TUSC3: variants seen among roughly 807,000 people sequenced by gnomAD.
TUSC3 encodes dolichyl-diphosphooligosaccharide--protein glycosyltransferase subunit TUSC3.
A neutral mutation model predicts 44.8 loss-of-function variants in TUSC3; 45 were observed. The observed-to-expected ratio is 1.00, with a 90% CI of 0.79 to 1.29. The LOEUF (loss-of-function observed/expected upper bound fraction) is 1.29, where lower values mean the gene tolerates loss of function less well. Among genes scored for constraint, TUSC3 ranks in the 50% most tolerant of loss-of-function variants. TUSC3 has a pLI of 0.00. For missense variants in TUSC3, 519 were observed against 437.9 expected (o/e 1.19, Z -1.65); for synonymous variants, 212 against 152.9 (o/e 1.39, Z -2.85).
At chr8:15,791,213 A>C in the TUSC3 span, among the ~76,000 whole-genome samples, 3 of 152,042 alleles carry the variant, frequency 2.0e-5, no homozygotes, top group Non-Finnish European at 2.9e-5. Context: ...TGATGTAATG[A>C]TGAAAAAGAA....
chr8:15,529,838 C>G (rs568628388), intron 2 of TUSC3, among the ~76,000 whole-genome samples: 2 of 117,968 alleles, frequency 1.7e-5, no homozygotes, highest in East Asian at 2.7e-4. Context: ...TTGCCCAGGC[C>G]GGACTGCGGA....
chr8:15,650,996 C>T (rs1366980319), intron 3 of TUSC3, 182 bp downstream of exon 3: 3 of 467,818 alleles, frequency 6.4e-6, no homozygotes, highest in Admixed American at 6.7e-5. Flanking sequence ...CACACACACA[C>T]ACACACACAC....
intron 1 of TUSC3, among the ~76,000 whole-genome samples, chr8:15,455,181 A>C (rs1800238830): frequency 6.6e-6 from 1 of 152,272 alleles, no homozygotes; most frequent in South Asian, 2.1e-4. Flanking sequence ...CTAGAAAAGT[A>C]AACACATACC....
At chr8:15,537,660 A>T (rs1351545554), upstream of TUSC3, among the ~76,000 whole-genome samples, 2 of 152,306 alleles carry the variant, frequency 1.3e-5, no homozygotes, top group South Asian at 2.1e-4. Flanking sequence ...GAGGGAGCGT[A>T]ACTTGGAAAC....
chr8:15,573,586 G>C (rs553510479), intron 1 of TUSC3, among the ~76,000 whole-genome samples: 3 of 152,072 alleles, frequency 2.0e-5, no homozygotes, highest in South Asian at 4.2e-4. Flanking sequence ...AGAGGGAGCC[G>C]CTGGTGGATG....
chr8:15,668,113 A>G (rs1394414970), intron 5 of TUSC3, among the ~76,000 whole-genome samples: 2 of 151,732 alleles, frequency 1.3e-5, no homozygotes, highest in Non-Finnish European at 3.0e-5. Context: ...AGGTGGAAGG[A>G]TTGGTATCTG....
At chr8:15,720,966 T>C (rs1182610999) in intron 6 of TUSC3, among the ~76,000 whole-genome samples, 1 of 152,108 alleles carries the variant, frequency 6.6e-6, no homozygotes, top group Non-Finnish European at 1.5e-5. Context: ...GAAAGCATTT[T>C]CATGTGAATA....
At chr8:15,766,653 T>C (rs912579567), downstream of TUSC3, 5 of 152,160 alleles carry the variant, frequency 3.3e-5, no homozygotes, top group African/African-American at 1.2e-4. Flanking sequence ...AGTAGCATTT[T>C]GTGCTTACTG....
rs376911747 is a variant in TUSC3 at position 15,589,144 on chromosome 8, G to T, written c.139-33936G>T. On this transcript the variant is annotated intron_variant, in intron 1 of 10. Transcript: ENST00000503731. ...AATATAGCTACTCCTACACCCTTTT[G>T]GTTTCCATTTACGTGGGATATATTT... Among the ~76,000 whole-genome samples the T allele has an allele frequency of 3.5e-3, 532 of 152,108 alleles. 4 individuals carry two copies. The highest frequency in any genetic ancestry group is 0.012 in the African/African-American group (511 of 41,482).
intron 10 of TUSC3, among the ~76,000 whole-genome samples, chr8:15,759,130 A>T (rs1346888422): frequency 6.6e-6 from 1 of 152,186 alleles, no homozygotes; most frequent in Non-Finnish European, 1.5e-5. Flanking sequence ...CACTACCCAC[A>T]AGGTCAATGG....
At chr8:15,502,124 G>A (rs1295606076) in intron 2 of TUSC3, among the ~76,000 whole-genome samples, 22 of 152,146 alleles carry the variant, frequency 1.4e-4, no homozygotes, top group Admixed American at 1.4e-3. Flanking sequence ...AAGCAGCAGA[G>A]TTTAAATTGT....
chr8:15,730,664 A>G lies in TUSC3; in HGVS notation c.799-2A>G. The G allele has an allele frequency of 6.2e-7, 1 of 1,612,876 alleles. No homozygotes were observed. The highest frequency in any genetic ancestry group is 8.5e-7 in the Non-Finnish European group (1 of 1,179,262). On this transcript the variant is annotated splice_acceptor_variant, in intron 6 of 10. Coordinates refer to ENST00000503731, the MANE Select transcript of TUSC3 (RefSeq NM_006765.4). LOFTEE classifies it high-confidence loss of function. ...GTAATTTCTGTTTGTCTTCTTTTAT[A>G]GAGCTACATTCATGGGAGCAGCCAG...
At chr8:15,770,396 C>T (rs754141159), downstream of TUSC3, among the ~76,000 whole-genome samples, 7 of 151,904 alleles carry the variant, frequency 4.6e-5, no homozygotes, top group African/African-American at 1.2e-4. Context: ...CATCACACAC[C>T]GAGGCCTGTC....
chr8:15,419,291 A>T (rs571158290), intron 1 of TUSC3, among the ~76,000 whole-genome samples: 1 of 152,222 alleles, frequency 6.6e-6, no homozygotes, highest in Non-Finnish European at 1.5e-5. Context: ...AGAGAGAAAA[A>T]CAGGTGACAG....
chr8:15,431,232 A>C (rs755093622), intron 1 of TUSC3, among the ~76,000 whole-genome samples: 1 of 151,362 alleles, frequency 6.6e-6, no homozygotes, highest in Non-Finnish European at 1.5e-5. Context: ...CACATTTTTT[A>C]AGTCATTAGA....
At chr8:15,809,034 G>C in the TUSC3 span, among the ~76,000 whole-genome samples, 58 of 152,262 alleles carry the variant, frequency 3.8e-4, no homozygotes, top group Non-Finnish European at 6.2e-4. Flanking sequence ...CAAGAGACAA[G>C]GGTTGGTGGG....
upstream of TUSC3, among the ~76,000 whole-genome samples, chr8:15,538,984 G>C (rs1052759567): frequency 6.6e-6 from 1 of 151,418 alleles, no homozygotes; most frequent in African/African-American, 2.4e-5. Context: ...GGAATAGCTA[G>C]GACTACAAGT....
chr8:15,657,051 C>G (rs963027659), intron 3 of TUSC3, among the ~76,000 whole-genome samples: 1 of 152,094 alleles, frequency 6.6e-6, no homozygotes, highest in Non-Finnish European at 1.5e-5. Flanking sequence ...CCATAGATAC[C>G]CCAGGTTTTC....
intron 7 of TUSC3, among the ~76,000 whole-genome samples, chr8:15,741,314 G>C (rs1811186873): frequency 6.6e-6 from 1 of 152,126 alleles, no homozygotes; most frequent in Admixed American, 6.5e-5. Context: ...TAATCGAATT[G>C]AGGAAGCTGC....
Sources: gnomAD v4.1 joint callset for allele counts (sites outside exome capture counted in the v4.1 genomes callset) on GRCh38, gnomAD v4.1.1 for gene constraint, MANE v1.5 for transcripts, NCBI Gene and HGNC (gene_info 2026-07-23, HGNC 2026-07-21) for gene names.